The following SSBP4 variants were observed in gnomAD, a reference collection of about 807,000 sequenced individuals.
The protein encoded by SSBP4 is single stranded DNA binding protein 4.
A neutral mutation model predicts 64.6 loss-of-function variants in SSBP4; 33 were observed. The observed-to-expected ratio is 0.51, with a 90% CI of 0.39 to 0.68. SSBP4 has a LOEUF of 0.68. SSBP4 is among the 30% of genes least tolerant of loss of function. The pLI is 0.00. For synonymous variants in SSBP4, 243 were observed against 224.0 expected (o/e 1.08, Z -0.76); for missense variants, 583 against 566.8 (o/e 1.03, Z -0.29).
At chr19:18,407,406 A>C in the SSBP4 span, among the ~76,000 whole-genome samples, 45,648 of 151,532 alleles carry the variant, frequency 0.3, 7,032 homozygotes, top group African/African-American at 0.38. Context: ...AGTTATAGTA[A>C]TGTTTTTTTT....
chr19:18,433,775 G>A lies in SSBP4; in HGVS notation c.1086G>A (p.Met362Ile). The A allele has an allele frequency of 6.9e-7, 1 of 1,441,670 alleles. No homozygotes were observed. 89.3% of individuals were successfully genotyped at this position (1,441,670 alleles called of 1,614,324 possible). Residue 362 changes from methionine (M) to isoleucine (I), a missense_variant, in exon 17 of 18, where the codon ATG (methionine) becomes ATA (isoleucine). Physicochemically the swap from Met to Ile is conservative, Grantham distance 10. Around this residue, in one of 5 missense-constraint regions of SSBP4, gnomAD observed 31 missense variants for 58.5 expected, o/e 0.53. Coordinates refer to ENST00000270061, the MANE Select transcript of SSBP4 (RefSeq NM_032627.5). ...APGTPRDDGE[M>I]AAAGTFLHPF... Reference sequence around the variant, plus strand: ...GCACCCCGCGGGACGACGGCGAGATGGCGGCCGCCGGGACCTTCCTGCACC... The same window carrying A: ...GCACCCCGCGGGACGACGGCGAGATAGCGGCCGCCGGGACCTTCCTGCACC...
At chr19:18,411,626 G>A in the SSBP4 span, among the ~76,000 whole-genome samples, 1 of 152,208 alleles carries the variant, frequency 6.6e-6, no homozygotes, top group African/African-American at 2.4e-5. Flanking sequence ...ATGGTGTACA[G>A]TTGTAGAAAA....
chr19:18,413,170 C>T, the SSBP4 span, among the ~76,000 whole-genome samples: 7 of 101,546 alleles, frequency 6.9e-5, no homozygotes, highest in Non-Finnish European at 1.0e-4. Context: ...TTTTTTTAGA[C>T]GGAGTTTTGG....
rs1298384625 is a variant in SSBP4 at position 18,423,564 on chromosome 19, G to A, written c.60-3787G>A. Reference sequence around the variant, plus strand: ...CAGCAGCATCTGTGTCTAGGAAGGCGCTGAGCAGGGAGCATCCATTGCAGC... The same window carrying A: ...CAGCAGCATCTGTGTCTAGGAAGGCACTGAGCAGGGAGCATCCATTGCAGC... On this transcript the variant is annotated intron_variant, in intron 1 of 17. Transcript: ENST00000270061. The surrounding 1 kb of genome is among the most constrained non-coding windows in gnomAD (Gnocchi z 4.0). 2.2e-4 allele frequency among the ~76,000 whole-genome samples: 33 copies of A among 152,168 alleles called. No homozygotes were observed. Among genetic ancestry groups the A allele is most frequent in the Admixed American group, 2.0e-3 (31 of 15,284 alleles).
Position 18,430,923 on chromosome 19 carries a change from T to G in SSBP4, c.362T>G (p.Phe121Cys), listed in dbSNP as rs1439734458. 3.7e-6 allele frequency: 6 copies of G among 1,612,416 alleles called. No individual in the cohort carries two copies. Among genetic ancestry groups the G allele is most frequent in the Non-Finnish European group, 5.1e-6 (6 of 1,179,842 alleles). Residue 121 changes from phenylalanine to cysteine, a missense_variant, in exon 5 of 18, where the codon TTC becomes TGC. Coordinates refer to ENST00000270061, the MANE Select transcript of SSBP4 (RefSeq NM_032627.5). ...TMAAGSMAAGFFQGPPGSQPS... is the reference protein window; with the variant it reads ...TMAAGSMAAGCFQGPPGSQPS... ...GCCGCAGGCTCCATGGCGGCTGGCT[T>G]CTTCCAGGTATGGCCCCGGCTGGAG...
chr19:18,407,031 TTTATTA>T, the SSBP4 span, among the ~76,000 whole-genome samples: 1 of 151,800 alleles, frequency 6.6e-6, no homozygotes, highest in Non-Finnish European at 1.5e-5. Context: ...TATTTTTTAT[TTTATTA>T]TTATTATTAT....
the SSBP4 span, among the ~76,000 whole-genome samples, chr19:18,411,986 A>G: frequency 6.6e-6 from 1 of 151,936 alleles, no homozygotes; most frequent in Non-Finnish European, 1.5e-5. Flanking sequence ...AAACAAAGTC[A>G]GACCCCCCAC....
upstream of SSBP4, among the ~76,000 whole-genome samples, chr19:18,418,057 TGCACATTCG>T (rs1165649134): frequency 6.6e-6 from 1 of 151,984 alleles, no homozygotes; most frequent in Non-Finnish European, 1.5e-5. This position sits in a 1 kb window ranked among gnomAD's most constrained non-coding sequence, Gnocchi z 6.7. Flanking sequence ...GACACACACG[TGCACATTCG>T]GCACACACTT....
At chr19:18,431,887 A>G (rs1600347900) in intron 8 of SSBP4, 25 bp downstream of exon 8, 4 of 1,566,200 alleles carry the variant, frequency 2.6e-6, no homozygotes, top group East Asian at 4.7e-5. Context: ...TCCAGCCCCT[A>G]TCCCGCCATC....
In SSBP4 at chr19:18,432,855, T is replaced by C; in HGVS notation, c.813T>C (p.Pro271=). The part of the protein sequence containing the change: ...YTGPPGGGGP[P]GTPIMPSPGD... ...GACCCCCAGGAGGAGGTGGGCCCCC[T>C]GGAACACCCATCATGCCTAGCCCTG... Residue 271 remains proline, a synonymous_variant, in exon 13 of 18, where the codon CCT becomes CCC. Coordinates refer to ENST00000270061, the MANE Select transcript of SSBP4 (RefSeq NM_032627.5). 1 of 1,613,928 alleles carries C rather than the reference T, an allele frequency of 6.2e-7. No individual in the cohort carries two copies. The highest frequency in any genetic ancestry group is 8.5e-7 in the Non-Finnish European group (1 of 1,179,946).
At chr19:18,410,150 C>T in the SSBP4 span, among the ~76,000 whole-genome samples, 6 of 152,222 alleles carry the variant, frequency 3.9e-5, no homozygotes, top group South Asian at 6.2e-4. Context: ...CCCGCCACCA[C>T]GCCCGGCTAA....
chr19:18,404,993 C>G, the SSBP4 span, among the ~76,000 whole-genome samples: 16 of 151,198 alleles, frequency 1.1e-4, no homozygotes, highest in South Asian at 6.3e-4. Flanking sequence ...AGGCCCCCCC[C>G]CCCGCGAAAG....
intron 1 of SSBP4, among the ~76,000 whole-genome samples, chr19:18,421,009 A>C (rs1018903389): frequency 6.6e-5 from 10 of 151,824 alleles, no homozygotes; most frequent in African/African-American, 2.4e-4. Flanking sequence ...GTCAGCAGGG[A>C]GGGGTCCCAT....
At chr19:18,402,893 G>A in the SSBP4 span, among the ~76,000 whole-genome samples, 7,599 of 152,210 alleles carry the variant, frequency 0.05, 658 homozygotes, top group African/African-American at 0.17. Flanking sequence ...CCCGTGAAGG[G>A]TCTGTGCTGA....
upstream of SSBP4, among the ~76,000 whole-genome samples, chr19:18,415,080 C>T (rs1972121329): frequency 7.0e-6 from 1 of 143,696 alleles, no homozygotes; most frequent in African/African-American, 2.5e-5. Flanking sequence ...CACCCTCGAC[C>T]TACCCTCGTG....
rs1972953882 is a variant in SSBP4, at chr19:18,427,640, G to A, written c.133-112G>A. 1 of 1,344,960 alleles carries A rather than the reference G, an allele frequency of 7.4e-7. No homozygotes were observed. The highest frequency in any genetic ancestry group is 1.0e-6 in the Non-Finnish European group (1 of 995,134). 83.3% of individuals were successfully genotyped at this position (1,344,960 alleles called of 1,614,324 possible). On this transcript the variant is annotated intron_variant, in intron 2 of 17. Transcript: ENST00000270061. This position sits in a 1 kb window ranked among gnomAD's most constrained non-coding sequence, Gnocchi z 4.4. ...CATCCTGGGGCCCTCTGCCCACCCT[G>A]TTACCCTTCCCTCCCCACTCCCTCC...
At chr19:18,416,037 A>G (rs1972128751), upstream of SSBP4, among the ~76,000 whole-genome samples, 1 of 151,824 alleles carries the variant, frequency 6.6e-6, no homozygotes, top group South Asian at 2.1e-4. Context: ...TGTTGTTGTT[A>G]TTTTGAGACG....
chr19:18,405,648 G>A, the SSBP4 span, among the ~76,000 whole-genome samples: 1 of 151,888 alleles, frequency 6.6e-6, no homozygotes, highest in South Asian at 2.1e-4. Context: ...AGCTGGGTCT[G>A]CAGGCACATG....
In SSBP4 at chr19:18,423,967, C is replaced by T. The variant is rs1041335662; in HGVS notation, c.60-3384C>T. On this transcript the variant is annotated intron_variant, in intron 1 of 17. Coordinates refer to ENST00000270061, the MANE Select transcript of SSBP4 (RefSeq NM_032627.5). This position sits in a 1 kb window ranked among gnomAD's most constrained non-coding sequence, Gnocchi z 4.0. ...GGCCCCAACCGGTGGCGCCCCCAGA[C>T]CTGGCCCCCGGAGCAGTCCTCTGGG... Among the ~76,000 whole-genome samples, 1 of 152,128 alleles carries T rather than the reference C, an allele frequency of 6.6e-6. No individual in the cohort carries two copies. The highest frequency in any genetic ancestry group is 1.5e-5 in the Non-Finnish European group (1 of 68,022).
Sources: gnomAD v4.1 joint callset for allele counts (sites outside exome capture counted in the v4.1 genomes callset) on GRCh38, gnomAD v4.1.1 for gene constraint, gnomAD v4.1.1 regional missense constraint, Gnocchi (gnomAD v3.1) non-coding constraint, MANE v1.5 for transcripts, NCBI Gene and HGNC (gene_info 2026-07-23, HGNC 2026-07-21) for gene names.